ANKRD11: variants seen among roughly 807,000 people sequenced by gnomAD.
ANKRD11 encodes the protein ankyrin repeat domain-containing protein 11.
A neutral mutation model predicts 195.7 loss-of-function variants in ANKRD11; 17 were observed. That is an observed-to-expected ratio of 0.09 (90% CI 0.06 to 0.13). The LOEUF (loss-of-function observed/expected upper bound fraction) is 0.13. Among genes scored for constraint, ANKRD11 ranks in the 10% least tolerant of loss-of-function variants. The pLI, the probability that ANKRD11 is intolerant of heterozygous loss-of-function variation, is 1.00. For synonymous variants in ANKRD11, 1,953 were observed against 1,528.1 expected (o/e 1.28, Z -6.49); for missense variants, 3,735 against 3,566.1 (o/e 1.05, Z -1.21).
At chr16:89,422,664 A>G (rs1427798299) in intron 1 of ANKRD11, among the ~76,000 whole-genome samples, 5 of 152,240 alleles carry the variant, frequency 3.3e-5, no homozygotes, top group Non-Finnish European at 5.9e-5. Context: ...GAACAGTCAC[A>G]GCCACGAGCA....
chr16:89,340,146 C>G (rs2038585827), intron 2 of ANKRD11, among the ~76,000 whole-genome samples: 1 of 152,206 alleles, frequency 6.6e-6, no homozygotes, highest in South Asian at 2.1e-4. Flanking sequence ...AAGTTTATAA[C>G]TAGAAATGGA....
chr16:89,444,682 A>C (rs1240469209), intron 1 of ANKRD11, among the ~76,000 whole-genome samples: 1 of 152,186 alleles, frequency 6.6e-6, no homozygotes, highest in African/African-American at 2.4e-5. Context: ...ATAGTGGCTC[A>C]CGCTTGTAAT....
At chr16:89,382,847 G>A (rs2040722012) in intron 2 of ANKRD11, among the ~76,000 whole-genome samples, 1 of 152,000 alleles carries the variant, frequency 6.6e-6, no homozygotes, top group South Asian at 2.1e-4. Context: ...TCCTTTGTTT[G>A]CCCATTTTTT....
intron 1 of ANKRD11, among the ~76,000 whole-genome samples, chr16:89,465,665 AAAG>A (rs1397255858): frequency 2.0e-5 from 3 of 152,198 alleles, no homozygotes; most frequent in Non-Finnish European, 2.9e-5. Flanking sequence ...TGGACGAGCT[AAAG>A]AAGACTCCTC....
chr16:89,475,862 C>T lies in ANKRD11; in HGVS notation c.-145+14383G>A, dbSNP rs533774751. 3.9e-5 allele frequency among the ~76,000 whole-genome samples: 6 copies of T among 152,024 alleles called. No homozygotes were observed. The South Asian group carries it at 1.0e-3, about 26-fold the overall frequency. ...GTGAGGAGTTCAAGACCAGCCTGGC[C>T]AACATGGTGAAACCCTGTCTCTACT... On this transcript the variant is annotated intron_variant, in intron 1 of 12. Transcript: ENST00000301030.
intron 2 of ANKRD11, chr16:89,403,874 G>C (rs562774242): frequency 6.6e-6 from 1 of 152,316 alleles, no homozygotes; most frequent in South Asian, 2.1e-4. Context: ...TGAGGCTGCA[G>C]TAAGCCATGA....
At chr16:89,323,598 T>TAA (rs1567646064) in intron 2 of ANKRD11, among the ~76,000 whole-genome samples, 2 of 72,674 alleles carry the variant, frequency 2.8e-5, no homozygotes, top group African/African-American at 8.4e-5. Context: ...GCAGGGGGGC[T>TAA]GAGCCCGGGG....
chr16:89,308,659 T>C (rs868104976), intron 3 of ANKRD11, among the ~76,000 whole-genome samples: 35 of 152,170 alleles, frequency 2.3e-4, no homozygotes, highest in African/African-American at 8.2e-4. Context: ...GCGTTTCCCA[T>C]GACGTGTTCA....
chr16:89,305,142 CCTGCCTGGGCTGCTCCGGG>C, intron 4 of ANKRD11, 45 bp downstream of exon 4: 1 of 1,588,546 alleles, frequency 6.3e-7, no homozygotes, highest in Non-Finnish European at 8.5e-7. Flanking sequence ...CCAGGGACGC[CCTGCCTGGGCTGCTCCGGG>C]CTGCCTGTGG....
intron 2 of ANKRD11, among the ~76,000 whole-genome samples, chr16:89,369,661 G>A (rs1043519379): frequency 3.9e-5 from 6 of 152,186 alleles, no homozygotes; most frequent in Admixed American, 6.5e-5. Flanking sequence ...TTGTGGTGAC[G>A]CAAGGGTTTT....
At chr16:89,312,337 C>G (rs2036651636) in intron 3 of ANKRD11, among the ~76,000 whole-genome samples, 1 of 152,230 alleles carries the variant, frequency 6.6e-6, no homozygotes, top group African/African-American at 2.4e-5. Flanking sequence ...AGCTAAACCT[C>G]CAGTGGGAGG....
chr16:89,303,219 A>G (rs3102346), intron 4 of ANKRD11, among the ~76,000 whole-genome samples: 99,655 of 152,102 alleles, frequency 0.66, 33,311 homozygotes, highest in Middle Eastern at 0.74. Context: ...AAACACCTCA[A>G]AGGTCTGAGG....
At chr16:89,468,335 A>G (rs1461393885) in intron 1 of ANKRD11, among the ~76,000 whole-genome samples, 10 of 152,138 alleles carry the variant, frequency 6.6e-5, no homozygotes, top group Admixed American at 5.2e-4. Flanking sequence ...TCCTCCAATC[A>G]TGAGGTCGGG....
chr16:89,323,663 C>T lies in ANKRD11; in HGVS notation c.-59-6585G>A, dbSNP rs369804257. On this transcript the variant is annotated intron_variant, in intron 2 of 12. Transcript: ENST00000301030. ...CACAGGAACCAGGCCCTCCCGCACA[C>T]CGCCTGACAGTCCACGTCAGCGTCT... 1.2e-4 allele frequency: 38 copies of T among 316,744 alleles called. No individual in the cohort carries two copies. In the East Asian group the frequency reaches 1.3e-3, roughly 11 times the overall value. 19.6% of individuals were successfully genotyped at this position (316,744 alleles called of 1,614,324 possible). A position where few individuals can be genotyped will look rare whatever the true frequency, so the allele number is the denominator to read the frequency against.
chr16:89,314,237 G>C (rs1320477305), intron 3 of ANKRD11, among the ~76,000 whole-genome samples: 3 of 152,010 alleles, frequency 2.0e-5, no homozygotes, highest in East Asian at 3.9e-4. Context: ...CTGGGTGACA[G>C]AGTCAGACCC....
chr16:89,472,861 C>A (rs1163945678), intron 1 of ANKRD11, among the ~76,000 whole-genome samples: 1 of 152,076 alleles, frequency 6.6e-6, no homozygotes, highest in Non-Finnish European at 1.5e-5. Flanking sequence ...TGGCAGAAGT[C>A]ACAAGTGAAA....
chr16:89,474,477 A>T (rs1170359081), intron 1 of ANKRD11, among the ~76,000 whole-genome samples: 4 of 151,834 alleles, frequency 2.6e-5, no homozygotes, highest in African/African-American at 9.7e-5. Context: ...AAAAAAAAAA[A>T]TTTAAGACCA....
chr16:89,424,839 C>A (rs1418809628), intron 1 of ANKRD11, among the ~76,000 whole-genome samples: 1 of 152,092 alleles, frequency 6.6e-6, no homozygotes, highest in East Asian at 1.9e-4. Context: ...ACGGGGGCCC[C>A]CAGTGGTGAA....
At chr16:89,405,947 TAAA>T (rs1488983905) in intron 2 of ANKRD11, among the ~76,000 whole-genome samples, 2 of 151,706 alleles carry the variant, frequency 1.3e-5, no homozygotes, top group African/African-American at 4.9e-5. Context: ...CCGTCTCTAC[TAAA>T]AAGACAAAAA....
Sources: gnomAD v4.1 joint callset for allele counts (sites outside exome capture counted in the v4.1 genomes callset) on GRCh38, gnomAD v4.1.1 for gene constraint, MANE v1.5 for transcripts, NCBI Gene and HGNC (gene_info 2026-07-23, HGNC 2026-07-21) for gene names.